STAG2: variants seen among roughly 807,000 people sequenced by gnomAD.
The protein encoded by STAG2 is cohesin subunit SA-2.
Under a neutral mutation model 108.1 loss-of-function variants are expected in STAG2, and 14 were observed. The ratio of observed to expected loss-of-function variants is 0.13; its 90% CI spans 0.09 to 0.20. The LOEUF (loss-of-function observed/expected upper bound fraction) is 0.20. STAG2 is among the 10% of genes least tolerant of loss of function. The pLI is 1.00. For synonymous variants in STAG2, 307 were observed against 302.7 expected, an observed-to-expected ratio of 1.01 and a Z score of -0.15; for missense variants, 440 against 940.9, an observed-to-expected ratio of 0.47 and a Z score of 6.96.
At chrX:124,060,975 AAAT>A (rs1387920774) in intron 15 of STAG2, among the ~76,000 whole-genome samples, 4 of 108,070 alleles carry the variant, frequency 3.7e-5, no homozygotes, top group African/African-American at 1.0e-4. Context: ...TTTTATATAA[AAAT>A]AATAAAAAAT....
chrX:124,040,854 CT>C (rs1163780101), intron 6 of STAG2, among the ~76,000 whole-genome samples: 247 of 76,625 alleles, frequency 3.2e-3, no homozygotes, highest in African/African-American at 9.1e-3. Flanking sequence ...CCTCTTCTCT[CT>C]TTTTTTTTTT....
chrX:123,967,669 C>T (rs1440627218), intron 1 of STAG2, among the ~76,000 whole-genome samples: 1 of 110,607 alleles, frequency 9.0e-6, no homozygotes, highest in Non-Finnish European at 1.9e-5. Context: ...ATACAGTGTA[C>T]CTACACACAC....
chrX:124,066,115 A>G (rs2058516558), intron 21 of STAG2, 60 bp from the exon 22 acceptor site: 1 of 1,007,774 alleles, frequency 9.9e-7, no homozygotes, highest in Non-Finnish European at 1.3e-6. Context: ...AACAATTGTC[A>G]TTAGGCTTAG....
At chrX:124,086,092 G>A (rs764858614) in intron 29 of STAG2, among the ~76,000 whole-genome samples, 3 of 109,365 alleles carry the variant, frequency 2.7e-5, no homozygotes, top group East Asian at 2.9e-4. Flanking sequence ...CCTTTCTTTC[G>A]TCACCTGTAA....
chrX:124,066,288 A>G (rs1421715929), intron 22 of STAG2, 26 bp downstream of exon 22: 11 of 1,185,726 alleles, frequency 9.3e-6, no homozygotes, highest in Non-Finnish European at 1.3e-5. Context: ...CTAGTTACAC[A>G]TTTATCTTTG....
intron 1 of STAG2, among the ~76,000 whole-genome samples, chrX:124,019,071 T>A (rs1276136896): frequency 3.9e-5 from 4 of 101,760 alleles, no homozygotes; most frequent in Non-Finnish European, 6.0e-5. Flanking sequence ...TTTTTTTTTT[T>A]TTTATTTAAG....
intron 1 of STAG2, among the ~76,000 whole-genome samples, chrX:124,007,704 C>G (rs186467987): frequency 1.0e-3 from 117 of 112,302 alleles, no homozygotes; most frequent in African/African-American, 3.4e-3. Flanking sequence ...CAAATACATC[C>G]ATTCATATAC....
intron 15 of STAG2, among the ~76,000 whole-genome samples, chrX:124,060,246 C>T (rs181625564): frequency 1.4e-3 from 160 of 111,254 alleles, no homozygotes; most frequent in Non-Finnish European, 2.7e-3. Context: ...TCTCCCACCT[C>T]AGCCTCCAGA....
At position 124,071,179 on chromosome X, in the gene STAG2, A is replaced by T. The variant is rs2058655725; in HGVS notation, c.2389A>T (p.Ile797Phe). The change falls in exon 25 of 35, where the codon ATC becomes TTC. Residue 797 changes from isoleucine (I) to phenylalanine (F), a missense_variant. Around this residue, in one of 3 missense-constraint regions of STAG2, gnomAD observed 337 missense variants for 649.3 expected, o/e 0.52. Transcript: ENST00000371145. Reference protein sequence around the residue: ...AFTILCDILMIFSHQIMSGGR... With the variant: ...AFTILCDILMFFSHQIMSGGR... ...CACTATTCTGTGTGATATTTTGATG[A>T]TCTTCAGCCATCAGATTATGTCAGG... is the stretch of plus-strand genomic sequence containing the variant. 1 of 1,184,136 alleles carries T rather than the reference A, an allele frequency of 8.4e-7. No homozygotes were observed.
At chrX:124,016,486 CATAA>C (rs2056734133) in intron 1 of STAG2, among the ~76,000 whole-genome samples, 1 of 111,846 alleles carries the variant, frequency 8.9e-6, no homozygotes, top group African/African-American at 3.3e-5. Flanking sequence ...GGTACACAGT[CATAA>C]ATAGTTTCAG....
At chrX:123,984,142 G>C (rs948719990) in intron 1 of STAG2, among the ~76,000 whole-genome samples, 1 of 107,428 alleles carries the variant, frequency 9.3e-6, no homozygotes, top group African/African-American at 3.4e-5. Context: ...ACCATGCCCG[G>C]CTAATTTTGT....
intron 3 of STAG2, among the ~76,000 whole-genome samples, chrX:124,022,967 G>A (rs373318213): frequency 1.5e-3 from 169 of 112,167 alleles, no homozygotes; most frequent in African/African-American, 5.1e-3. Flanking sequence ...TTTTGAGAGA[G>A]CATCATAAAA....
At chrX:123,998,168 ATT>A (rs1170203471) in intron 1 of STAG2, among the ~76,000 whole-genome samples, 15 of 84,203 alleles carry the variant, frequency 1.8e-4, no homozygotes, top group Admixed American at 4.0e-4. Flanking sequence ...ACTGTGTTTA[ATT>A]TTTTTTTTTT....
intron 1 of STAG2, among the ~76,000 whole-genome samples, chrX:123,978,463 C>G (rs1320254030): frequency 9.0e-6 from 1 of 111,003 alleles, no homozygotes; most frequent in Non-Finnish European, 1.9e-5. Context: ...GATCAGTGGA[C>G]AATAATGTGA....
intron 3 of STAG2, 55 bp downstream of exon 3, chrX:124,022,726 G>T: frequency 1.2e-6 from 1 of 836,439 alleles, no homozygotes; most frequent in Non-Finnish European, 1.7e-6. Flanking sequence ...CACAAAATGG[G>T]GAATGCATTA....
At chrX:124,038,089 C>T (rs933721404) in intron 6 of STAG2, among the ~76,000 whole-genome samples, 5 of 112,246 alleles carry the variant, frequency 4.5e-5, no homozygotes, top group African/African-American at 1.6e-4. Context: ...GACATTTCTT[C>T]TAAAAGGTAA....
At chrX:124,042,254 A>G (rs1223060502) in intron 6 of STAG2, among the ~76,000 whole-genome samples, 1 of 111,435 alleles carries the variant, frequency 9.0e-6, no homozygotes, top group Admixed American at 9.7e-5. Context: ...TTTATGTTAA[A>G]GAGACAAAGC....
intron 1 of STAG2, among the ~76,000 whole-genome samples, chrX:124,008,644 C>G (rs191219748): frequency 7.6e-4 from 85 of 112,021 alleles, no homozygotes; most frequent in African/African-American, 2.7e-3. Flanking sequence ...TGCCCAGCTG[C>G]TAGTTGCAAT....
chrX:124,099,184 A>G (rs1331555963), intron 34 of STAG2, among the ~76,000 whole-genome samples: 1 of 111,714 alleles, frequency 9.0e-6, no homozygotes, highest in Non-Finnish European at 1.9e-5. Flanking sequence ...TAGTCTGTAC[A>G]AAACAAAAAG....
Sources: allele counts gnomAD v4.1 joint callset (sites outside exome capture counted in the v4.1 genomes callset), GRCh38; gene constraint gnomAD v4.1.1; regional missense constraint gnomAD v4.1.1; transcripts MANE v1.5; gene names NCBI Gene and HGNC (gene_info 2026-07-23, HGNC 2026-07-21).